Variants in AASS observed in about 807,000 individuals in gnomAD.
AASS encodes aminoadipate-semialdehyde synthase.
In AASS, 86 loss-of-function variants were observed where a neutral mutation model predicts 105.4. The ratio of observed to expected loss-of-function variants is 0.82; its 90% CI spans 0.69 to 0.98. AASS has a LOEUF of 0.98. Ranked by LOEUF, AASS falls within the 50% of genes least tolerant of loss-of-function variation. The probability of loss-of-function intolerance (pLI) is 0.00; values close to 1 mark genes in which losing one functional copy is unlikely to be tolerated. For synonymous variants in AASS, 381 were observed against 394.8 expected (o/e 0.96, Z 0.41); for missense variants, 1,048 against 1,143.2 (o/e 0.92, Z 1.20).
In AASS at chr7:122,074,005, A is replaced by G. The variant is rs768883080; in HGVS notation, c.*2484T>C. On this transcript the variant is annotated 3_prime_UTR_variant, in exon 24 of 24. Coordinates refer to ENST00000417368, the MANE Select transcript of AASS (RefSeq NM_005763.4). ...GTTGATAGAAATTAGGGCTGTTTCAATTTTGGGCTATTATAAATAATGCTG... is the reference window on the plus strand; with the variant it reads ...GTTGATAGAAATTAGGGCTGTTTCAGTTTTGGGCTATTATAAATAATGCTG... 6.6e-6 allele frequency among the ~76,000 whole-genome samples: 1 copy of G among 152,044 alleles called. No homozygotes were observed. Among genetic ancestry groups the G allele is most frequent in the Non-Finnish European group, 1.5e-5 (1 of 68,002 alleles).
At chr7:122,107,021 AT>A in intron 11 of AASS, among the ~76,000 whole-genome samples, 1 of 152,208 alleles carries the variant, frequency 6.6e-6, no homozygotes, top group East Asian at 1.9e-4. Flanking sequence ...TCTAGCTTCT[AT>A]AAAAACTTAA....
At position 122,086,015 on chromosome 7, in the gene AASS, A is replaced by G; in HGVS notation, c.2181T>C (p.Tyr727=). The G allele has an allele frequency of 6.2e-7, 1 of 1,613,472 alleles. No homozygotes were observed. The highest frequency in any genetic ancestry group is 8.5e-7 in the Non-Finnish European group (1 of 1,179,590). ...AATCTAAAGTCCAGCTGCTTACCTT[A>G]TATCTCAGTGTCCCCCGCAACAAAG... is the stretch of plus-strand genomic sequence containing the variant. The part of the protein sequence containing the change: ...AHTLLRGTLR[Y]KGYMKALNGF... Residue 727 remains tyrosine (Y), a synonymous_variant, in exon 19 of 24, where the codon TAT becomes TAC. Transcript: ENST00000417368.
chr7:122,133,826 A>G, intron 1 of AASS, 85 bp from the exon 2 acceptor site: 1 of 1,120,902 alleles, frequency 8.9e-7, no homozygotes, highest in Non-Finnish European at 1.3e-6. Flanking sequence ...TCTGAGGTAA[A>G]ATACAACCCG....
chr7:122,089,192 A>G (rs940390235), intron 18 of AASS, among the ~76,000 whole-genome samples: 2 of 152,102 alleles, frequency 1.3e-5, no homozygotes, highest in African/African-American at 2.4e-5. Context: ...AAGTTGTTCA[A>G]CAATCTGGCT....
intron 8 of AASS, 45 bp downstream of exon 8, chr7:122,116,588 A>G (rs201476877): frequency 6.2e-7 from 1 of 1,612,442 alleles, no homozygotes; most frequent in African/African-American, 1.3e-5. Context: ...GCCTACCTAC[A>G]CTGTATCATA....
At chr7:122,134,278 C>CA (rs1033205846) in intron 1 of AASS, among the ~76,000 whole-genome samples, 2 of 151,570 alleles carry the variant, frequency 1.3e-5, no homozygotes, top group African/African-American at 4.8e-5. Flanking sequence ...TTTTTTAAAA[C>CA]AAAAAACAAA....
rs1284179550 is a variant in AASS at position 122,093,042 on chromosome 7, A to T, written c.1766+6T>A. 6.2e-7 allele frequency: 1 copy of T among 1,613,302 alleles called. No individual in the cohort carries two copies. Among genetic ancestry groups the T allele is most frequent in the South Asian group, 1.1e-5 (1 of 91,072 alleles). ...ACTCAGTTTGTTTAAAATGATTAAAACTTACCTCTTTTCCAATTCTTTTAG... is the reference window on the plus strand; with the variant it reads ...ACTCAGTTTGTTTAAAATGATTAAATCTTACCTCTTTTCCAATTCTTTTAG... On this transcript the variant is annotated splice_donor_region_variant and intron_variant, in intron 16 of 23. Coordinates refer to ENST00000417368, the MANE Select transcript of AASS (RefSeq NM_005763.4).
At chr7:122,126,316 TCA>T (rs1795653578) in intron 4 of AASS, 57 bp downstream of exon 4, 1 of 1,465,540 alleles carries the variant, frequency 6.8e-7, no homozygotes, top group Non-Finnish European at 9.6e-7. Flanking sequence ...AAGAGAAAAC[TCA>T]CAGTTATTCC....
intron 6 of AASS, 54 bp from the exon 7 acceptor site, chr7:122,117,011 T>G: frequency 6.1e-6 from 9 of 1,484,538 alleles, no homozygotes; most frequent in Non-Finnish European, 8.4e-6. Context: ...AGAACCAACA[T>G]GGTTTTCTGC....
chr7:122,139,540 T>A (rs76525506), intron 1 of AASS, among the ~76,000 whole-genome samples: 1 of 152,230 alleles, frequency 6.6e-6, no homozygotes, highest in East Asian at 1.9e-4. Context: ...GCCACTATTA[T>A]GTATTTTTAT....
chr7:122,084,456 T>C (rs575393814), intron 19 of AASS, among the ~76,000 whole-genome samples: 2 of 152,296 alleles, frequency 1.3e-5, no homozygotes, highest in African/African-American at 4.8e-5. Flanking sequence ...TAGTGGTTGT[T>C]TTCTTTTTAA....
rs766882150 is a variant in AASS, at chr7:122,092,884, C to T, written c.1834G>A (p.Ala612Thr). 40 of 1,613,818 alleles carry T rather than the reference C, an allele frequency of 2.5e-5. No individual in the cohort carries two copies. Among genetic ancestry groups the T allele is most frequent in the Non-Finnish European group, 3.4e-5 (40 of 1,179,918 alleles). ...GLDPGLDHML[A>T]METIDKAKEV... is the part of the protein sequence containing the mutation. The stretch of plus-strand genomic sequence containing the variant: ...TTGGCTTTATCTATTGTTTCCATTG[C>T]TAACATGTGATCCAGACCAGGGTCC... Residue 612 changes from alanine to threonine, a missense_variant, in exon 17 of 24, where the codon GCA (alanine) becomes ACA (threonine). Ala to Thr is a moderately conservative substitution (Grantham distance 58). Coordinates refer to ENST00000417368, the MANE Select transcript of AASS (RefSeq NM_005763.4).
rs192361815 is a variant in AASS, at chr7:122,120,009, G to A, written c.473-1379C>T. The stretch of plus-strand genomic sequence containing the variant: ...GCAGTTCAAACTCGTGTTGTTCAAG[G>A]GTCAATTGTACTCTTTTACAATGTG... On this transcript the variant is annotated intron_variant, in intron 4 of 23. Coordinates refer to ENST00000417368, the MANE Select transcript of AASS (RefSeq NM_005763.4). Among the ~76,000 whole-genome samples, 15 of 152,100 alleles carry A rather than the reference G, an allele frequency of 9.9e-5. 1 individual carries two copies. Among genetic ancestry groups the A allele is most frequent in the Admixed American group, 9.8e-4 (15 of 15,286 alleles).
At chr7:122,131,661 C>T (rs1000538169) in intron 2 of AASS, among the ~76,000 whole-genome samples, 1 of 151,854 alleles carries the variant, frequency 6.6e-6, no homozygotes, top group Admixed American at 6.6e-5. Context: ...TATTTCTAAA[C>T]TCTGTACACT....
chr7:122,087,719 G>T (rs1793693776), intron 18 of AASS, among the ~76,000 whole-genome samples: 1 of 152,050 alleles, frequency 6.6e-6, no homozygotes, highest in Admixed American at 6.6e-5. Context: ...AGCAAACGTT[G>T]ACTTTTAGGG....
chr7:122,120,174 A>G (rs1360334904), intron 4 of AASS, among the ~76,000 whole-genome samples: 3 of 152,188 alleles, frequency 2.0e-5, no homozygotes, highest in Admixed American at 6.5e-5. Context: ...CCAGGCTATT[A>G]TAAATGGAGT....
At position 122,113,595 on chromosome 7, in the gene AASS, C is replaced by T. The variant is rs1158127259; in HGVS notation, c.1166+3G>A. ...TATCATCTAACAACTTTAGCAAACT[C>T]ACCTGTCATGAATAATATGCTGGTC... On this transcript the variant is annotated splice_donor_region_variant and intron_variant, in intron 10 of 23. Coordinates refer to ENST00000417368, the MANE Select transcript of AASS (RefSeq NM_005763.4). 3.1e-6 allele frequency: 5 copies of T among 1,613,252 alleles called. No individual in the cohort carries two copies. Among genetic ancestry groups the T allele is most frequent in the Non-Finnish European group, 4.2e-6 (5 of 1,179,892 alleles).
rs1185271590 is a variant in AASS at position 122,115,366 on chromosome 7, T to A, written c.895-144A>T. 6.2e-6 allele frequency: 7 copies of A among 1,120,150 alleles called. No homozygotes were observed. In the Admixed American group the frequency reaches 1.4e-4, roughly 23 times the overall value. The allele number at this position is 1,120,150 out of a possible 1,614,324, so 69.4% of individuals were successfully genotyped here. A position where few individuals can be genotyped will look rare whatever the true frequency, so the allele number is the denominator to read the frequency against. On this transcript the variant is annotated intron_variant, in intron 8 of 23. Coordinates refer to ENST00000417368, the MANE Select transcript of AASS (RefSeq NM_005763.4). Reference sequence around the variant, plus strand: ...TTCTTATTGTCCATGTCAGTGTCCATCTTTTGAGGCAAAGATATTAAATAG... The same window carrying A: ...TTCTTATTGTCCATGTCAGTGTCCAACTTTTGAGGCAAAGATATTAAATAG...
chr7:122,140,963 A>G (rs1796366434), intron 1 of AASS, among the ~76,000 whole-genome samples: 1 of 152,106 alleles, frequency 6.6e-6, no homozygotes, highest in Non-Finnish European at 1.5e-5. Context: ...TGGCAGCTCT[A>G]TGGCTATGAG....
Sources: allele counts gnomAD v4.1 joint callset (sites outside exome capture counted in the v4.1 genomes callset), GRCh38; gene constraint gnomAD v4.1.1; transcripts MANE v1.5; gene names NCBI Gene and HGNC (gene_info 2026-07-23, HGNC 2026-07-21).